AGBL1: variants seen among roughly 807,000 people sequenced by gnomAD.
AGBL1 encodes the protein AGBL carboxypeptidase 1.
A neutral mutation model predicts 118.9 loss-of-function variants in AGBL1; 130 were observed. The ratio of observed to expected loss-of-function variants is 1.09; its 90% confidence interval spans 0.95 to 1.26. The LOEUF (loss-of-function observed/expected upper bound fraction) is 1.26. Ranked by LOEUF, AGBL1 falls within the 50% of genes most tolerant of loss-of-function variation. The pLI is 0.00. For synonymous variants in AGBL1, 555 were observed against 478.9 expected (o/e 1.16, Z -2.08); for missense variants, 1,584 against 1,298.1 (o/e 1.22, Z -3.38).
At chr15:86,817,644 C>G (rs1395213836) in intron 22 of AGBL1, among the ~76,000 whole-genome samples, 1 of 146,234 alleles carries the variant, frequency 6.8e-6, no homozygotes, top group African/African-American at 2.5e-5. Flanking sequence ...CACACACACA[C>G]ACAGACACAC....
Position 86,434,686 on chromosome 15 carries a change from A to C in AGBL1, c.2555+37140A>C, listed in dbSNP as rs545241676. Among the ~76,000 whole-genome samples, 31 of 152,232 alleles carry C rather than the reference A, an allele frequency of 2.0e-4. 1 individual carries two copies. In the South Asian group the frequency reaches 5.6e-3, roughly 27 times the overall value. On this transcript the variant is annotated intron_variant, in intron 18 of 22. Coordinates refer to ENST00000614907, the MANE Select transcript of AGBL1 (RefSeq NM_001386094.1). ...TAGAATCCATTAGTCGGTCCCCTCTATTTTTCTACCTGCTGCCAAAATATC... is the reference window on the plus strand; with the variant it reads ...TAGAATCCATTAGTCGGTCCCCTCTCTTTTTCTACCTGCTGCCAAAATATC...
At chr15:86,283,099 T>A (rs542827584) in intron 16 of AGBL1, among the ~76,000 whole-genome samples, 1 of 152,200 alleles carries the variant, frequency 6.6e-6, no homozygotes, top group Non-Finnish European at 1.5e-5. Context: ...AATATACTAT[T>A]GTAATTCTGA....
intron 18 of AGBL1, among the ~76,000 whole-genome samples, chr15:86,472,345 A>G (rs1400023610): frequency 6.6e-6 from 1 of 152,148 alleles, no homozygotes; most frequent in Non-Finnish European, 1.5e-5. Flanking sequence ...CTTTGCTTCT[A>G]TGGCCTTAGG....
chr15:86,565,010 G>C (rs1408451217), intron 21 of AGBL1, among the ~76,000 whole-genome samples: 2 of 152,142 alleles, frequency 1.3e-5, no homozygotes, highest in Non-Finnish European at 2.9e-5. Flanking sequence ...CTCTACACTA[G>C]TTATTCTAGT....
At chr15:86,117,483 A>G (rs1897836911) in intron 1 of AGBL1, among the ~76,000 whole-genome samples, 1 of 152,162 alleles carries the variant, frequency 6.6e-6, no homozygotes, top group African/African-American at 2.4e-5. Flanking sequence ...TGTAACTTCT[A>G]TGACCTAGAT....
intron 22 of AGBL1, among the ~76,000 whole-genome samples, chr15:86,820,717 T>G (rs1429102115): frequency 6.6e-6 from 1 of 152,166 alleles, no homozygotes; most frequent in African/African-American, 2.4e-5. Flanking sequence ...ATAGGAACAC[T>G]TTTACACTGT....
chr15:86,247,573 G>T, intron 6 of AGBL1, 98 bp from the exon 7 acceptor site: 1 of 1,237,830 alleles, frequency 8.1e-7, no homozygotes, highest in South Asian at 1.3e-5. Flanking sequence ...TTCCCTTGAT[G>T]ATTAATAAGT....
intron 22 of AGBL1, among the ~76,000 whole-genome samples, chr15:86,860,071 G>C (rs1385509983): frequency 6.6e-6 from 1 of 152,046 alleles, no homozygotes; most frequent in Non-Finnish European, 1.5e-5. Flanking sequence ...TTTAATGATT[G>C]ATTTTGGGGC....
intron 18 of AGBL1, among the ~76,000 whole-genome samples, chr15:86,469,410 C>T (rs1281749293): frequency 6.6e-6 from 1 of 152,024 alleles, no homozygotes; most frequent in East Asian, 1.9e-4. Context: ...GGAGGATTTC[C>T]CTGTTTTCTA....
intron 23 of AGBL1, among the ~76,000 whole-genome samples, chr15:86,940,061 T>C (rs1449261624): frequency 1.1e-4 from 2 of 18,892 alleles, no homozygotes; most frequent in African/African-American, 4.9e-4. Context: ...TTGGTAGTCC[T>C]TTTTTTTTTT....
chr15:86,645,579 T>C (rs2085263874), intron 21 of AGBL1, among the ~76,000 whole-genome samples: 1 of 152,188 alleles, frequency 6.6e-6, no homozygotes, highest in South Asian at 2.1e-4. Context: ...GACCATCTCC[T>C]GTGCACCTTT....
rs78795079 is a variant in AGBL1 at position 86,893,347 on chromosome 15, A to G, written c.3159-13740A>G. Among the ~76,000 whole-genome samples the G allele has an allele frequency of 6.5e-3, 991 of 152,304 alleles. 20 individuals are homozygous for G. The highest frequency in any genetic ancestry group is 0.022 in the African/African-American group (935 of 41,568). ...AGCATTTAAAGAGAAAACAAGTGAT[A>G]AAAAGAATCCGCAAAACTGCGTTTA... is the stretch of plus-strand genomic sequence containing the variant. On this transcript the variant is annotated intron_variant, in intron 22 of 22. Coordinates refer to ENST00000614907, the MANE Select transcript of AGBL1 (RefSeq NM_001386094.1).
intron 22 of AGBL1, among the ~76,000 whole-genome samples, chr15:86,785,788 C>T (rs565821633): frequency 7.9e-5 from 12 of 152,060 alleles, no homozygotes; most frequent in South Asian, 2.1e-4. Flanking sequence ...ATCAGGTAAT[C>T]GAACCCCAAG....
chr15:86,140,295 G>A (rs2076945723), intron 1 of AGBL1: 1 of 151,084 alleles, frequency 6.6e-6, no homozygotes, highest in Non-Finnish European at 1.5e-5. Flanking sequence ...TGAAGCAGGT[G>A]GCCCTGGCTG....
intron 22 of AGBL1, among the ~76,000 whole-genome samples, chr15:86,715,768 T>C (rs2086628261): frequency 6.6e-6 from 1 of 152,090 alleles, no homozygotes; most frequent in Admixed American, 6.6e-5. Context: ...GTTATTGAAA[T>C]ATAAATCAGG....
At chr15:86,864,417 A>G (rs769155885) in intron 22 of AGBL1, among the ~76,000 whole-genome samples, 2 of 152,192 alleles carry the variant, frequency 1.3e-5, no homozygotes, top group African/African-American at 2.4e-5. Context: ...GCATTAGTTC[A>G]TATCACACTA....
intron 23 of AGBL1, among the ~76,000 whole-genome samples, chr15:86,959,030 C>T (rs1379135718): frequency 1.3e-4 from 20 of 152,120 alleles, no homozygotes; most frequent in African/African-American, 4.8e-5. Flanking sequence ...GTAGTAAGTA[C>T]ACAGAATCCT....
At chr15:86,253,142 T>A (rs1053228438) in intron 7 of AGBL1, among the ~76,000 whole-genome samples, 1 of 152,036 alleles carries the variant, frequency 6.6e-6, no homozygotes, top group African/African-American at 2.4e-5. Flanking sequence ...CAGAGCATTG[T>A]GAGTAAGGGT....
intron 24 of AGBL1, among the ~76,000 whole-genome samples, chr15:86,992,118 G>C (rs1166062653): frequency 6.6e-6 from 1 of 152,074 alleles, no homozygotes; most frequent in East Asian, 1.9e-4. Flanking sequence ...CATGGCAGAA[G>C]GGGAAGTGGG....
Sources: gnomAD v4.1 joint callset for allele counts (sites outside exome capture counted in the v4.1 genomes callset) on GRCh38, gnomAD v4.1.1 for gene constraint, MANE v1.5 for transcripts, NCBI Gene and HGNC (gene_info 2026-07-23, HGNC 2026-07-21) for gene names.